Variants in FBP1 observed in about 807,000 individuals in gnomAD.
The protein encoded by FBP1 is fructose-1,6-bisphosphatase 1.
A neutral mutation model predicts 29.9 loss-of-function variants in FBP1; 22 were observed. That is an observed-to-expected ratio of 0.74 (90% confidence interval 0.53 to 1.05). The LOEUF (loss-of-function observed/expected upper bound fraction) is 1.05. FBP1 is among the 50% of genes least tolerant of loss of function. FBP1 has a pLI of 0.00. For synonymous variants in FBP1, 175 were observed against 178.6 expected (o/e 0.98, Z 0.16); for missense variants, 345 against 448.2 (o/e 0.77, Z 2.08).
At chr9:94,636,702 T>C (rs897695855) in intron 1 of FBP1, among the ~76,000 whole-genome samples, 39 of 152,004 alleles carry the variant, frequency 2.6e-4, no homozygotes, top group African/African-American at 8.9e-4. Flanking sequence ...TTTTTTTTCT[T>C]TTTTTGAGAC....
At chr9:94,628,329 T>C (rs1221692559) in intron 1 of FBP1, among the ~76,000 whole-genome samples, 1 of 146,804 alleles carries the variant, frequency 6.8e-6, no homozygotes, top group Non-Finnish European at 1.5e-5. Context: ...AAGGTTGCAG[T>C]GAGCCAAGGT....
intron 1 of FBP1, among the ~76,000 whole-genome samples, chr9:94,622,634 C>G (rs1482194718): frequency 6.6e-6 from 1 of 152,262 alleles, no homozygotes; most frequent in Non-Finnish European, 1.5e-5. Context: ...GCATCATTCC[C>G]TTTCCAGCCT....
chr9:94,633,948 C>T (rs1454628096), intron 1 of FBP1, among the ~76,000 whole-genome samples: 6 of 151,092 alleles, frequency 4.0e-5, no homozygotes, highest in East Asian at 2.0e-4. Context: ...CCTCGTGATC[C>T]GCCCGACTCG....
chr9:94,634,981 C>T (rs377134661), intron 1 of FBP1, among the ~76,000 whole-genome samples: 18 of 148,296 alleles, frequency 1.2e-4, no homozygotes, highest in African/African-American at 3.7e-4. Context: ...CTCAGCTACT[C>T]GGGAAATTGA....
intron 1 of FBP1, among the ~76,000 whole-genome samples, chr9:94,635,599 G>A (rs1055906783): frequency 3.3e-5 from 5 of 152,180 alleles, no homozygotes; most frequent in African/African-American, 1.2e-4. Context: ...ATGAATGTAG[G>A]TTGGGGGCCT....
At chr9:94,616,293 G>A (rs1587858445) in intron 3 of FBP1, among the ~76,000 whole-genome samples, 2 of 152,002 alleles carry the variant, frequency 1.3e-5, no homozygotes, top group Non-Finnish European at 2.9e-5. Flanking sequence ...GGTGATGGGA[G>A]GGGATGAGGG....
At chr9:94,631,193 T>C (rs533834110) in intron 1 of FBP1, among the ~76,000 whole-genome samples, 2 of 152,338 alleles carry the variant, frequency 1.3e-5, no homozygotes, top group East Asian at 3.9e-4. Flanking sequence ...AGTCTCTGTG[T>C]CCTTTCCCTT....
intron 6 of FBP1, 78 bp downstream of exon 6, chr9:94,605,379 C>A: frequency 6.5e-6 from 10 of 1,527,572 alleles, no homozygotes; most frequent in Admixed American, 3.7e-5. Flanking sequence ...CTAGCAAAAC[C>A]TTTCTTCTTC....
At chr9:94,625,592 G>A (rs1346799180) in intron 1 of FBP1, among the ~76,000 whole-genome samples, 7 of 152,160 alleles carry the variant, frequency 4.6e-5, no homozygotes, top group African/African-American at 1.4e-4. Flanking sequence ...TCAGGAGATC[G>A]AGACCATCCT....
intron 2 of FBP1, among the ~76,000 whole-genome samples, 169 bp from the exon 3 acceptor site, chr9:94,618,029 A>G (rs1827889718): frequency 1.3e-5 from 2 of 152,174 alleles, no homozygotes; most frequent in Admixed American, 6.6e-5. Context: ...ATGCACAGAT[A>G]CACACACATA....
intron 5 of FBP1, 59 bp from the exon 6 acceptor site, chr9:94,605,635 G>T (rs1386368248): frequency 1.3e-5 from 20 of 1,559,940 alleles, no homozygotes; most frequent in African/African-American, 2.7e-5. Context: ...GAGTTTTCTT[G>T]GTGTCTCCTA....
intron 1 of FBP1, among the ~76,000 whole-genome samples, chr9:94,631,657 A>G (rs1828105612): frequency 2.0e-5 from 3 of 152,216 alleles, no homozygotes; most frequent in Admixed American, 6.5e-5. Context: ...AGTCACTGTG[A>G]CTGAGTAACA....
At chr9:94,607,154 C>A (rs1417678927) in intron 4 of FBP1, among the ~76,000 whole-genome samples, 2 of 152,126 alleles carry the variant, frequency 1.3e-5, no homozygotes, top group Admixed American at 6.5e-5. Context: ...GCTGCAGAAG[C>A]CATCAGGGTG....
intron 1 of FBP1, among the ~76,000 whole-genome samples, chr9:94,635,609 T>C (rs1279629180): frequency 6.6e-6 from 1 of 152,220 alleles, no homozygotes; most frequent in East Asian, 1.9e-4. Flanking sequence ...GTTGGGGGCC[T>C]GGCTTGAGAA....
intron 3 of FBP1, among the ~76,000 whole-genome samples, chr9:94,611,475 C>T (rs1034631439): frequency 5.9e-5 from 9 of 152,072 alleles, no homozygotes; most frequent in Non-Finnish European, 1.0e-4. Context: ...CATTCACAGC[C>T]GGGGTCATGA....
At position 94,605,465 on chromosome 9, in the gene FBP1, T is replaced by C. The variant is rs1827682495; in HGVS notation, c.817A>G (p.Asn273Asp). 1.1e-5 allele frequency: 18 copies of C among 1,613,664 alleles called. No homozygotes were observed. The highest frequency in any genetic ancestry group is 1.5e-5 in the Non-Finnish European group (18 of 1,179,988). The change falls in exon 6 of 7, where the codon AAT becomes GAT. Residue 273 changes from asparagine (N) to aspartate (D), a missense_variant. Coordinates refer to ENST00000375326, the MANE Select transcript of FBP1 (RefSeq NM_000507.4). ...FLYPANKKSP[N>D]GKLRLLYECN... ...CCAGGGGACACCCTTACCTTTCCAT[T>C]GGGGCTCTTCTTGTTAGCGGGGTAC...
rs891063228 is a variant in FBP1 at position 94,639,048 on chromosome 9, G to A, written c.170+93C>T. 8 of 1,239,490 alleles carry A rather than the reference G, an allele frequency of 6.5e-6. No individual in the cohort carries two copies. In the South Asian group the frequency reaches 9.0e-5, roughly 14 times the overall value. The allele number at this position is 1,239,490 out of a possible 1,614,324, so 76.8% of individuals were successfully genotyped here. A position where few individuals can be genotyped will look rare whatever the true frequency, so the allele number is the denominator to read the frequency against. On this transcript the variant is annotated intron_variant, in intron 1 of 6. Transcript: ENST00000375326. The stretch of plus-strand genomic sequence containing the variant: ...ATCAGACGGACAGACAGAGGCTGAC[G>A]GCAGGAGGCTCAGAGGGCCCAACGT...
chr9:94,620,914 A>T (rs1166784037), intron 1 of FBP1, among the ~76,000 whole-genome samples: 1 of 152,194 alleles, frequency 6.6e-6, no homozygotes, highest in African/African-American at 2.4e-5. Context: ...AAGTATAATA[A>T]TAATTTTTTT....
intron 3 of FBP1, among the ~76,000 whole-genome samples, chr9:94,614,959 A>G (rs372340648): frequency 5.3e-4 from 81 of 152,158 alleles, no homozygotes; most frequent in African/African-American, 1.9e-3. Flanking sequence ...CCCAGGCTGG[A>G]GTGCAGTGGT....
Sources: allele counts gnomAD v4.1 joint callset (sites outside exome capture counted in the v4.1 genomes callset), GRCh38; gene constraint gnomAD v4.1.1; transcripts MANE v1.5; gene names NCBI Gene and HGNC (gene_info 2026-07-23, HGNC 2026-07-21).